The following ESYT2 variants were observed in gnomAD, a reference collection of about 807,000 sequenced individuals.
The protein encoded by ESYT2 is extended synaptotagmin 2.
ESYT2 carries 54 observed loss-of-function variants against 107.2 expected under a neutral mutation model. The ratio of observed to expected loss-of-function variants is 0.50; its 90% CI spans 0.40 to 0.63. The LOEUF is 0.63. Among genes scored for constraint, ESYT2 ranks in the 30% least tolerant of loss-of-function variants. ESYT2 has a pLI of 0.00. For missense variants in ESYT2, 1,020 were observed against 1,094.5 expected (o/e 0.93, Z 0.96); for synonymous variants, 491 against 434.1 (o/e 1.13, Z -1.63).
At chr7:158,763,541 C>T (rs189819886) in intron 9 of ESYT2, among the ~76,000 whole-genome samples, 21 of 152,288 alleles carry the variant, frequency 1.4e-4, no homozygotes, top group Admixed American at 9.2e-4. Context: ...ATGATCCACC[C>T]ACCTCGGCCT....
chr7:158,814,389 A>G (rs996416164), intron 1 of ESYT2, among the ~76,000 whole-genome samples: 1 of 149,150 alleles, frequency 6.7e-6, no homozygotes, highest in African/African-American at 2.5e-5. Context: ...TCACAGATCA[A>G]AAACGTTTTA....
At chr7:158,745,186 C>G (rs10253385) in intron 16 of ESYT2, among the ~76,000 whole-genome samples, 35 of 131,158 alleles carry the variant, frequency 2.7e-4, no homozygotes, top group African/African-American at 7.9e-4. Flanking sequence ...CTCCTAGGCC[C>G]GGCTGTTCAC....
chr7:158,805,025 A>C (rs1839784921), intron 1 of ESYT2, among the ~76,000 whole-genome samples: 1 of 152,232 alleles, frequency 6.6e-6, no homozygotes. Context: ...ACTTCCAGGC[A>C]CACGGCGCTT....
chr7:158,741,512 C>T lies in ESYT2; in HGVS notation c.2168+11G>A. On this transcript the variant is annotated intron_variant, in intron 18 of 22. Coordinates refer to ENST00000275418, the MANE Select transcript of ESYT2 (RefSeq NM_001367773.1). ...CTGCTGGTGAGAAACAACATGGTGGCACTTAGTTACTTTTCCAGCTGCCTC... is the reference window on the plus strand; with the variant it reads ...CTGCTGGTGAGAAACAACATGGTGGTACTTAGTTACTTTTCCAGCTGCCTC... The T allele has an allele frequency of 6.4e-7, 1 of 1,557,114 alleles. No individual in the cohort carries two copies. Among genetic ancestry groups the T allele is most frequent in the Non-Finnish European group, 8.6e-7 (1 of 1,159,274 alleles).
At chr7:158,738,340 C>T (rs1417402700) in intron 19 of ESYT2, among the ~76,000 whole-genome samples, 2 of 64,068 alleles carry the variant, frequency 3.1e-5, no homozygotes, top group African/African-American at 1.1e-4. Flanking sequence ...CACACACACA[C>T]ACAGACACAC....
intron 6 of ESYT2, among the ~76,000 whole-genome samples, chr7:158,773,762 A>G (rs1308456868): frequency 6.6e-6 from 1 of 152,364 alleles, no homozygotes; most frequent in Non-Finnish European, 1.5e-5. Flanking sequence ...GCATTCAAAA[A>G]GTGAGATTTT....
chr7:158,826,087 A>T (rs531112778), intron 1 of ESYT2, among the ~76,000 whole-genome samples: 1 of 151,924 alleles, frequency 6.6e-6, no homozygotes, highest in African/African-American at 2.4e-5. Context: ...TTTCTTATTC[A>T]TAGTTTCTTC....
rs1253065391 is a variant in ESYT2 at position 158,760,083 on chromosome 7, A to G, written c.1298T>C (p.Met433Thr). ...LHLRLEWLTLMPNASNLDKVL... is the reference protein window; with the variant it reads ...LHLRLEWLTLTPNASNLDKVL... ...CTTGTCGAGGTTTGACGCATTTGGC[A>G]TTAACGTGAGCCACTCCAGTCTCAA... is the stretch of plus-strand genomic sequence containing the variant. Residue 433 changes from methionine (M) to threonine (T), a missense_variant, in exon 12 of 23, where the codon ATG becomes ACG. Physicochemically the swap from Met to Thr is moderately conservative, Grantham distance 81. Transcript: ENST00000275418. 1.9e-6 allele frequency: 3 copies of G among 1,614,234 alleles called. No individual in the cohort carries two copies. Among genetic ancestry groups the G allele is most frequent in the Non-Finnish European group, 2.5e-6 (3 of 1,180,032 alleles).
chr7:158,760,159 A>C lies in ESYT2; in HGVS notation c.1234-12T>G. On this transcript the variant is annotated splice_polypyrimidine_tract_variant and intron_variant, in intron 11 of 22. Coordinates refer to ENST00000275418, the MANE Select transcript of ESYT2 (RefSeq NM_001367773.1). ...TCCAGAGTGAACCACTGAAGAGAAAAAATGTTTACGTTCAGCAAAAGTTCT... is the reference window on the plus strand; with the variant it reads ...TCCAGAGTGAACCACTGAAGAGAAACAATGTTTACGTTCAGCAAAAGTTCT... 1 of 1,612,676 alleles carries C rather than the reference A, an allele frequency of 6.2e-7. No individual in the cohort carries two copies. Among genetic ancestry groups the C allele is most frequent in the Non-Finnish European group, 8.5e-7 (1 of 1,178,814 alleles).
At chr7:158,781,442 G>T (rs1024912005) in intron 6 of ESYT2, among the ~76,000 whole-genome samples, 2 of 148,070 alleles carry the variant, frequency 1.4e-5, no homozygotes, top group Non-Finnish European at 3.0e-5. Flanking sequence ...GTGTGAGTGT[G>T]AACAAGTGAT....
At chr7:158,750,891 C>T (rs904936419) in intron 14 of ESYT2, among the ~76,000 whole-genome samples, 4 of 152,146 alleles carry the variant, frequency 2.6e-5, no homozygotes, top group Non-Finnish European at 5.9e-5. Flanking sequence ...ACAGGTAGCT[C>T]GTGGCAGATC....
chr7:158,764,803 G>C lies in ESYT2; in HGVS notation c.975C>G (p.Asp325Glu). 6.2e-7 allele frequency: 1 copy of C among 1,614,164 alleles called. No individual in the cohort carries two copies. ...CCTTGACAAGTCCCTTAAGGTAAGT[G>C]TCTTTCCCCTGAAGATCCTGAGCTT... ...FIEAQDLQGK[D>E]TYLKGLVKGK... The change falls in exon 9 of 23, where the codon GAC (aspartate) becomes GAG (glutamate). Residue 325 changes from aspartate to glutamate, a missense_variant. By Grantham distance (45) the Asp-to-Glu change is conservative. Transcript: ENST00000275418.
In ESYT2 at chr7:158,732,649, A is replaced by C. The variant is rs1002036768; in HGVS notation, c.*1558T>G. 2.0e-5 allele frequency: 3 copies of C among 152,598 alleles called. No homozygotes were observed. The highest frequency in any genetic ancestry group is 7.2e-5 in the African/African-American group (3 of 41,448). 9.5% of individuals were successfully genotyped at this position (152,598 alleles called of 1,614,324 possible). On this transcript the variant is annotated 3_prime_UTR_variant, in exon 23 of 23. Transcript: ENST00000275418. ...GTTTATAAATTCAAACAAAATAAGA[A>C]TCTGCTAGAAGGGAGGGTGGGTAGA...
intron 6 of ESYT2, among the ~76,000 whole-genome samples, chr7:158,775,128 T>C (rs1838509064): frequency 6.6e-6 from 1 of 152,238 alleles, no homozygotes; most frequent in Non-Finnish European, 1.5e-5. Context: ...TCCCAAGGCA[T>C]ACTTAAGTGT....
intron 9 of ESYT2, 54 bp from the exon 10 acceptor site, chr7:158,763,219 C>A: frequency 2.3e-6 from 3 of 1,284,178 alleles, no homozygotes; most frequent in Non-Finnish European, 3.4e-6. Flanking sequence ...TAGTCATACA[C>A]TGAGTATGAT....
chr7:158,808,624 CAT>C (rs1839902009), intron 1 of ESYT2, among the ~76,000 whole-genome samples: 2 of 152,168 alleles, frequency 1.3e-5, no homozygotes, highest in African/African-American at 4.8e-5. Context: ...TTTGCTGTCA[CAT>C]GTCAAACTTT....
intron 2 of ESYT2, 59 bp downstream of exon 2, chr7:158,798,972 G>A (rs555072163): frequency 6.6e-7 from 1 of 1,517,476 alleles, no homozygotes; most frequent in South Asian, 1.2e-5. Context: ...AATATGGAAA[G>A]ATGGTATCTC....
chr7:158,791,122 G>T (rs1228326016), intron 4 of ESYT2, among the ~76,000 whole-genome samples: 2 of 151,968 alleles, frequency 1.3e-5, no homozygotes, highest in African/African-American at 4.8e-5. Flanking sequence ...CTGCTCCCAG[G>T]CCCTGGCAAC....
chr7:158,792,421 G>A (rs1376191180), intron 4 of ESYT2, among the ~76,000 whole-genome samples: 1 of 151,124 alleles, frequency 6.6e-6, no homozygotes, highest in Non-Finnish European at 1.5e-5. Context: ...TCAGCTACTC[G>A]GCAGGCTGAG....
Sources: allele counts gnomAD v4.1 joint callset (sites outside exome capture counted in the v4.1 genomes callset), GRCh38; gene constraint gnomAD v4.1.1; transcripts MANE v1.5; gene names NCBI Gene and HGNC (gene_info 2026-07-23, HGNC 2026-07-21).